The following SSBP3 variants were observed in gnomAD, a reference collection of about 807,000 sequenced individuals.
SSBP3 encodes single-stranded DNA-binding protein 3.
SSBP3 carries 5 observed loss-of-function variants against 69.6 expected under a neutral mutation model. The ratio of observed to expected loss-of-function variants is 0.07; its 90% CI spans 0.04 to 0.15. The LOEUF is 0.15. Among genes scored for constraint, SSBP3 ranks in the 10% least tolerant of loss-of-function variants. The pLI is 1.00. For synonymous variants in SSBP3, 196 were observed against 193.4 expected (o/e 1.01, Z -0.11); for missense variants, 312 against 534.0 (o/e 0.58, Z 4.10).
intron 14 of SSBP3, chr1:54,238,571 G>A (rs988968512): frequency 3.8e-5 from 13 of 342,282 alleles, no homozygotes; most frequent in East Asian, 1.6e-4. Flanking sequence ...GAGGAAGTGG[G>A]GCAAGCAGTA....
intron 4 of SSBP3, among the ~76,000 whole-genome samples, chr1:54,374,124 T>C (rs58351067): frequency 0.01 from 1,591 of 152,352 alleles, 29 homozygotes; most frequent in African/African-American, 0.037. Flanking sequence ...AATGGCAAAG[T>C]AGCCCAGGGC....
intron 4 of SSBP3, among the ~76,000 whole-genome samples, chr1:54,400,027 T>C (rs1222230531): frequency 6.6e-6 from 1 of 152,202 alleles, no homozygotes; most frequent in Non-Finnish European, 1.5e-5. Context: ...CATCTCTTAG[T>C]AGCATCTTCT....
chr1:54,255,311 C>T (rs2100733962), intron 7 of SSBP3, among the ~76,000 whole-genome samples: 1 of 152,270 alleles, frequency 6.6e-6, no homozygotes, highest in African/African-American at 2.4e-5. Flanking sequence ...CTTTAATTGC[C>T]AGAAGAAGGG....
intron 4 of SSBP3, among the ~76,000 whole-genome samples, chr1:54,302,007 A>C (rs4927087): frequency 0.25 from 37,575 of 151,842 alleles, 5,396 homozygotes; most frequent in Middle Eastern, 0.39. Flanking sequence ...GAACTATGCA[A>C]TCCTCTCTGG....
At chr1:54,404,993 C>T in intron 1 of SSBP3, 63 bp from the exon 2 acceptor site, 3 of 1,445,540 alleles carry the variant, frequency 2.1e-6, no homozygotes, top group Non-Finnish European at 2.9e-6. Flanking sequence ...CGGCGCTCTC[C>T]AGGACCTTGC....
chr1:54,272,479 CCTT>C (rs1645210340), intron 5 of SSBP3, among the ~76,000 whole-genome samples: 1 of 142,898 alleles, frequency 7.0e-6, no homozygotes, highest in Non-Finnish European at 1.5e-5. Context: ...AGGAATTTGA[CCTT>C]TTTTTTAAAA....
At chr1:54,363,636 C>T (rs1557565456) in intron 4 of SSBP3, among the ~76,000 whole-genome samples, 3 of 152,136 alleles carry the variant, frequency 2.0e-5, no homozygotes, top group Admixed American at 6.5e-5. Flanking sequence ...AAACCACCCC[C>T]TGCACCATCA....
chr1:54,277,188 C>CCACCACCG (rs1322111017), intron 5 of SSBP3, among the ~76,000 whole-genome samples: 24 of 151,922 alleles, frequency 1.6e-4, no homozygotes, highest in Admixed American at 1.4e-3. Context: ...AGGATATGTA[C>CCACCACCG]CACCACCGAC....
intron 4 of SSBP3, among the ~76,000 whole-genome samples, chr1:54,322,287 C>G (rs180788533): frequency 3.3e-4 from 50 of 152,278 alleles, no homozygotes; most frequent in Non-Finnish European, 6.0e-4. Flanking sequence ...ATCAGAGATT[C>G]ATCGCAGCAC....
intron 5 of SSBP3, among the ~76,000 whole-genome samples, chr1:54,269,422 T>G (rs1239108140): frequency 6.6e-6 from 1 of 152,150 alleles, no homozygotes; most frequent in African/African-American, 2.4e-5. Context: ...CATTTACAGG[T>G]GGGGACACTA....
rs555708115 is a variant in SSBP3, at chr1:54,316,729, T to A, written c.277-35202A>T. 2.3e-4 allele frequency among the ~76,000 whole-genome samples: 33 copies of A among 144,106 alleles called. 1 individual carries two copies. The highest frequency in any genetic ancestry group is 3.6e-3 in the Middle Eastern group (1 of 280). 94.5% of individuals were successfully genotyped at this position (144,106 alleles called of 152,430 possible). On this transcript the variant is annotated intron_variant, in intron 4 of 17. Transcript: ENST00000610401. ...ATAAATAAAATAAAATAAAATAAAA[T>A]AAAAATGTCTTAGTCTGTTCTTGCT...
chr1:54,333,405 C>A (rs1362008892), intron 4 of SSBP3, among the ~76,000 whole-genome samples: 1 of 152,100 alleles, frequency 6.6e-6, no homozygotes, highest in Admixed American at 6.5e-5. Context: ...CATCATCCTG[C>A]CAAAAAACAC....
intron 3 of SSBP3, among the ~76,000 whole-genome samples, chr1:54,403,605 C>G (rs1468986139): frequency 6.6e-6 from 1 of 152,198 alleles, no homozygotes; most frequent in Non-Finnish European, 1.5e-5. Flanking sequence ...AGAACAGACA[C>G]TTCATCCTCC....
intron 4 of SSBP3, among the ~76,000 whole-genome samples, chr1:54,367,694 C>T (rs752393054): frequency 8.5e-5 from 13 of 152,152 alleles, no homozygotes; most frequent in Non-Finnish European, 1.6e-4. Flanking sequence ...CCCACCTTTG[C>T]TAGGAGCAAC....
intron 4 of SSBP3, among the ~76,000 whole-genome samples, chr1:54,338,289 A>G (rs983787626): frequency 1.3e-5 from 2 of 152,226 alleles, no homozygotes; most frequent in Admixed American, 6.5e-5. Context: ...GCTAAAGCGA[A>G]TGTTTATTTT....
chr1:54,319,141 C>A (rs1439620959), intron 4 of SSBP3, among the ~76,000 whole-genome samples: 1 of 152,196 alleles, frequency 6.6e-6, no homozygotes, highest in African/African-American at 2.4e-5. Flanking sequence ...TACATGTGTT[C>A]TTTCTAATCC....
chr1:54,308,352 A>G (rs1645936812), intron 4 of SSBP3, among the ~76,000 whole-genome samples: 1 of 151,776 alleles, frequency 6.6e-6, no homozygotes, highest in African/African-American at 2.4e-5. Flanking sequence ...CTGTAATCCC[A>G]GCACTTTGGG....
chr1:54,264,209 G>A (rs1017404218), intron 5 of SSBP3, among the ~76,000 whole-genome samples: 1 of 152,094 alleles, frequency 6.6e-6, no homozygotes, highest in African/African-American at 2.4e-5. Flanking sequence ...GACAGAGGTG[G>A]GAGGATCCCT....
At chr1:54,385,094 T>C (rs1038262793) in intron 4 of SSBP3, among the ~76,000 whole-genome samples, 4 of 152,224 alleles carry the variant, frequency 2.6e-5, no homozygotes, top group Non-Finnish European at 5.9e-5. Context: ...GAAGTCATCC[T>C]GAGCGCAGAT....
Sources: gnomAD v4.1 joint callset for allele counts (sites outside exome capture counted in the v4.1 genomes callset) on GRCh38, gnomAD v4.1.1 for gene constraint, MANE v1.5 for transcripts, NCBI Gene and HGNC (gene_info 2026-07-23, HGNC 2026-07-21) for gene names.